ZNF324B: variants seen among roughly 807,000 people sequenced by gnomAD.
The protein encoded by ZNF324B is zinc finger protein 324B.
A neutral mutation model predicts 10.6 loss-of-function variants in ZNF324B; 7 were observed. The observed-to-expected ratio is 0.66, with a 90% CI of 0.38 to 1.24. ZNF324B has a LOEUF of 1.24. Ranked by LOEUF, ZNF324B falls within the 50% of genes most tolerant of loss-of-function variation. The probability of loss-of-function intolerance (pLI) is 0.02; values close to 1 mark genes in which losing one functional copy is unlikely to be tolerated. For missense variants in ZNF324B, 640 were observed against 764.7 expected (o/e 0.84, Z 1.92); for synonymous variants, 316 against 321.0 (o/e 0.98, Z 0.17).
chr19:58,437,691 A>G, the ZNF324B span: 1 of 984,904 alleles, frequency 1.0e-6, no homozygotes, highest in Non-Finnish European at 1.2e-6. Context: ...CACTGTAGGC[A>G]TTCTCCCTAG....
chr19:58,451,856 A>T, intron 1 of ZNF324B, 152 bp downstream of exon 1: 1 of 260,370 alleles, frequency 3.8e-6, no homozygotes, highest in Non-Finnish European at 7.7e-6. Context: ...TTCTGCGCCC[A>T]TGACTGCCGG....
At chr19:58,422,759 A>G in the ZNF324B span, among the ~76,000 whole-genome samples, 1 of 152,312 alleles carries the variant, frequency 6.6e-6, no homozygotes, top group South Asian at 2.1e-4. Context: ...CTTTGGATTC[A>G]TCCTCACATT....
chr19:58,454,042 T>C (rs561128516), intron 2 of ZNF324B, among the ~76,000 whole-genome samples, 186 bp from the exon 3 acceptor site: 2 of 152,352 alleles, frequency 1.3e-5, no homozygotes, highest in African/African-American at 4.8e-5. Context: ...GCTTTGGTGC[T>C]CTGGGCACAG....
chr19:58,450,593 A>G (rs1252334514), upstream of ZNF324B, among the ~76,000 whole-genome samples: 2 of 152,218 alleles, frequency 1.3e-5, no homozygotes, highest in Admixed American at 6.5e-5. Flanking sequence ...TTAAATAAAA[A>G]CATTCAAAAA....
the ZNF324B span, among the ~76,000 whole-genome samples, chr19:58,428,405 A>C: frequency 2.0e-5 from 3 of 152,220 alleles, no homozygotes; most frequent in African/African-American, 7.2e-5. Flanking sequence ...TTGGAAAACC[A>C]GGAGATATGG....
chr19:58,420,448 G>C, the ZNF324B span, among the ~76,000 whole-genome samples: 1 of 151,980 alleles, frequency 6.6e-6, no homozygotes, highest in African/African-American at 2.4e-5. Flanking sequence ...GGAGTAGGGG[G>C]TCAGGATTGG....
At chr19:58,425,591 C>T in the ZNF324B span, among the ~76,000 whole-genome samples, 5 of 151,858 alleles carry the variant, frequency 3.3e-5, no homozygotes, top group African/African-American at 1.2e-4. Context: ...CTACCTCAGC[C>T]TCCCGAGTAA....
At chr19:58,446,668 C>T (rs1238843424), upstream of ZNF324B, among the ~76,000 whole-genome samples, 1 of 150,590 alleles carries the variant, frequency 6.6e-6, no homozygotes, top group African/African-American at 2.5e-5. Context: ...CCTCCGCCTC[C>T]CGGGTTCAAG....
chr19:58,432,612 A>G, the ZNF324B span, among the ~76,000 whole-genome samples: 1 of 152,170 alleles, frequency 6.6e-6, no homozygotes, highest in East Asian at 1.9e-4. Flanking sequence ...ACGGTAACTG[A>G]AACAGGCCAC....
the ZNF324B span, among the ~76,000 whole-genome samples, chr19:58,427,373 T>TC: frequency 6.9e-3 from 263 of 38,288 alleles, 3 homozygotes; most frequent in African/African-American, 0.022. Context: ...TTTCTTTCTT[T>TC]CTTTCTTTCT....
upstream of ZNF324B, among the ~76,000 whole-genome samples, chr19:58,447,447 A>G (rs1425521108): frequency 1.3e-5 from 2 of 152,230 alleles, no homozygotes; most frequent in Admixed American, 6.5e-5. Context: ...TGCCCAATTC[A>G]TTAAGAATGT....
At chr19:58,428,562 T>G in the ZNF324B span, 1 of 152,192 alleles carries the variant, frequency 6.6e-6, no homozygotes, top group Non-Finnish European at 1.5e-5. Context: ...CTCCAGACCA[T>G]GATTTCTGTC....
chr19:58,426,680 T>C, the ZNF324B span, among the ~76,000 whole-genome samples: 1 of 152,160 alleles, frequency 6.6e-6, no homozygotes, highest in African/African-American at 2.4e-5. Flanking sequence ...AGGAGAGGTA[T>C]AGCTGATCTG....
rs772420183 is a variant in ZNF324B, at chr19:58,456,532, C to T, written c.1588C>T (p.Arg530Cys). The T allele has an allele frequency of 1.9e-6, 3 of 1,613,980 alleles. No individual in the cohort carries two copies. The Admixed American group carries it at 5.0e-5, about 27-fold the overall frequency. Residue 530 changes from arginine to cysteine, a missense_variant, in exon 4 of 4, where the codon CGC (arginine) becomes TGC (cysteine). Transcript: ENST00000336614. This position sits in a 1 kb window ranked among gnomAD's most constrained non-coding sequence, Gnocchi z 4.7. Reference sequence around the variant, plus strand: ...CCTTCAGGGACATCATCGGAAGGTGCGCCGGGGAGGGAAGCCAAGCCCAGT... The same window carrying T: ...CCTTCAGGGACATCATCGGAAGGTGTGCCGGGGAGGGAAGCCAAGCCCAGT... ...GFLQGHHRKV[R>C]RGGKPSPVLK...
the ZNF324B span, among the ~76,000 whole-genome samples, chr19:58,427,278 C>T: frequency 1.1e-3 from 128 of 115,372 alleles, 1 homozygote; most frequent in African/African-American, 3.2e-3. Context: ...GCATGCGCCA[C>T]CATGCCTGGC....
At chr19:58,442,179 T>TTTTTTTTTTTTTTTG in the ZNF324B span, 1 of 135,280 alleles carries the variant, frequency 7.4e-6, no homozygotes, top group African/African-American at 3.1e-5. Context: ...TTTTTTTTTT[T>TTTTTTTTTTTTTTTG]GAGACGGAGT....
the ZNF324B span, chr19:58,430,500 C>T: frequency 3.3e-5 from 5 of 152,222 alleles, no homozygotes; most frequent in Non-Finnish European, 5.9e-5. Flanking sequence ...CATTTGTTGC[C>T]CATAACTCTC....
the ZNF324B span, chr19:58,430,756 C>A: frequency 6.6e-6 from 1 of 152,212 alleles, no homozygotes; most frequent in Non-Finnish European, 1.5e-5. Context: ...ATTTAAAGAT[C>A]TCTCTTCAGT....
chr19:58,424,312 G>A, the ZNF324B span, among the ~76,000 whole-genome samples: 7 of 152,064 alleles, frequency 4.6e-5, no homozygotes, highest in African/African-American at 1.7e-4. Flanking sequence ...GCACGTGTTG[G>A]GAGAAAATAT....
Sources: allele counts gnomAD v4.1 joint callset (sites outside exome capture counted in the v4.1 genomes callset), GRCh38; gene constraint gnomAD v4.1.1; non-coding constraint Gnocchi (gnomAD v3.1); transcripts MANE v1.5; gene names NCBI Gene and HGNC (gene_info 2026-07-23, HGNC 2026-07-21).